The following LARP4B variants were observed in gnomAD, a reference collection of about 807,000 sequenced individuals.
LARP4B encodes La ribonucleoprotein 4B.
A neutral mutation model predicts 89.8 loss-of-function variants in LARP4B; 12 were observed. The ratio of observed to expected loss-of-function variants is 0.13; its 90% confidence interval spans 0.09 to 0.22. The LOEUF is 0.22. Ranked by LOEUF, LARP4B falls within the 10% of genes least tolerant of loss-of-function variation. The pLI, the probability that LARP4B is intolerant of heterozygous loss-of-function variation, is 1.00. For synonymous variants in LARP4B, 367 were observed against 363.3 expected (o/e 1.01, Z -0.12); for missense variants, 757 against 947.7 (o/e 0.80, Z 2.64).
chr10:969,514 G>A, the LARP4B span, among the ~76,000 whole-genome samples: 1 of 152,162 alleles, frequency 6.6e-6, no homozygotes, highest in Non-Finnish European at 1.5e-5. Context: ...TAGATTACTT[G>A]AGGCCAGGAG....
At position 814,898 on chromosome 10, in the gene LARP4B, C is replaced by T; in HGVS notation, c.1820+48G>A. On this transcript the variant is annotated intron_variant, in intron 16 of 17. Coordinates refer to ENST00000316157, the MANE Select transcript of LARP4B (RefSeq NM_015155.3). The surrounding 1 kb of genome is among the most constrained non-coding windows in gnomAD (Gnocchi z 4.4). Reference sequence around the variant, plus strand: ...TTGAATCTCATGCAACATCACAGGCCATTCAAGTCAGTCAACACCAAGGCG... The same window carrying T: ...TTGAATCTCATGCAACATCACAGGCTATTCAAGTCAGTCAACACCAAGGCG... 6.3e-7 allele frequency: 1 copy of T among 1,577,676 alleles called. No homozygotes were observed. Among genetic ancestry groups the T allele is most frequent in the Non-Finnish European group, 8.6e-7 (1 of 1,157,050 alleles).
At chr10:852,842 A>C (rs150550677) in intron 5 of LARP4B, among the ~76,000 whole-genome samples, 3,254 of 152,352 alleles carry the variant, frequency 0.021, 64 homozygotes, top group Admixed American at 0.061. Flanking sequence ...AACAACTGCA[A>C]ATACAAATTT....
intron 13 of LARP4B, 82 bp from the exon 14 acceptor site, chr10:820,927 CA>C: frequency 1.8e-6 from 2 of 1,141,898 alleles, no homozygotes; most frequent in Non-Finnish European, 2.6e-6. Context: ...CTCACATAAT[CA>C]AAGTACACAT....
At chr10:820,206 G>C (rs559371124) in intron 14 of LARP4B, 1 of 152,532 alleles carries the variant, frequency 6.6e-6, no homozygotes, top group East Asian at 1.9e-4. Context: ...CTAAAGACCA[G>C]CACAAACATT....
chr10:837,132 T>G (rs1352794567), intron 7 of LARP4B, among the ~76,000 whole-genome samples: 2 of 152,176 alleles, frequency 1.3e-5, no homozygotes, highest in Non-Finnish European at 2.9e-5. Context: ...AACAACGGAA[T>G]ATTATGAAAA....
intron 1 of LARP4B, chr10:924,310 G>A (rs1328018035): frequency 6.6e-6 from 1 of 152,172 alleles, no homozygotes; most frequent in Non-Finnish European, 1.5e-5. Flanking sequence ...AAGCTGGCTG[G>A]TCTCATTTAG....
chr10:946,378 G>GA, the LARP4B span, among the ~76,000 whole-genome samples: 5 of 152,196 alleles, frequency 3.3e-5, no homozygotes, highest in African/African-American at 1.2e-4. Context: ...CCTCTAAAGC[G>GA]AAAATACAAA....
At chr10:847,505 T>C (rs940052543) in intron 5 of LARP4B, among the ~76,000 whole-genome samples, 41 of 151,732 alleles carry the variant, frequency 2.7e-4, no homozygotes, top group African/African-American at 9.7e-4. Context: ...TAGATTCCTA[T>C]GTGACATGAA....
At chr10:916,871 AT>A (rs1448054065) in intron 1 of LARP4B, among the ~76,000 whole-genome samples, 1 of 151,850 alleles carries the variant, frequency 6.6e-6, no homozygotes, top group Non-Finnish European at 1.5e-5. Flanking sequence ...TAATTTTTCT[AT>A]TTTTTGTCGA....
chr10:890,438 G>C (rs1835980127), intron 1 of LARP4B, among the ~76,000 whole-genome samples: 1 of 152,142 alleles, frequency 6.6e-6, no homozygotes, highest in Admixed American at 6.5e-5. Flanking sequence ...TAATGTATAT[G>C]TATCTTCTTT....
chr10:920,147 C>T (rs1465025177), intron 1 of LARP4B, among the ~76,000 whole-genome samples: 1 of 152,096 alleles, frequency 6.6e-6, no homozygotes, highest in African/African-American at 2.4e-5. Flanking sequence ...GCGGAGGGTG[C>T]GCCTTAACAG....
chr10:975,576 C>A, the LARP4B span, among the ~76,000 whole-genome samples: 3 of 152,222 alleles, frequency 2.0e-5, no homozygotes, highest in Non-Finnish European at 4.4e-5. Context: ...AGCTCCACTG[C>A]GTGGCGAATC....
At position 812,909 on chromosome 10, in the gene LARP4B, T is replaced by C; in HGVS notation, c.*17A>G. ...GGTTAACACAGCGCTCTGCGACCCC[T>C]CCCAGACGTACGGTTTTCACTGAGG... On this transcript the variant is annotated 3_prime_UTR_variant, in exon 18 of 18. Coordinates refer to ENST00000316157, the MANE Select transcript of LARP4B (RefSeq NM_015155.3). The C allele has an allele frequency of 6.6e-7, 1 of 1,522,836 alleles. No individual in the cohort carries two copies. The highest frequency in any genetic ancestry group is 8.8e-7 in the Non-Finnish European group (1 of 1,141,962). The allele number at this position is 1,522,836 out of a possible 1,614,324, so 94.3% of individuals were successfully genotyped here.
intron 1 of LARP4B, among the ~76,000 whole-genome samples, chr10:890,925 A>G (rs1835999890): frequency 6.6e-6 from 1 of 152,186 alleles, no homozygotes; most frequent in South Asian, 2.1e-4. Flanking sequence ...CTAAAGACAT[A>G]TTAATAGTTT....
At chr10:857,972 A>C (rs1834395294) in intron 5 of LARP4B, among the ~76,000 whole-genome samples, 2 of 152,230 alleles carry the variant, frequency 1.3e-5, no homozygotes, top group African/African-American at 4.8e-5. Flanking sequence ...ATCACTAACC[A>C]CTAGGAAATG....
the LARP4B span, among the ~76,000 whole-genome samples, chr10:943,651 G>A: frequency 2.6e-5 from 4 of 152,158 alleles, no homozygotes; most frequent in Admixed American, 6.5e-5. Context: ...TTTTCCAAGA[G>A]GTGATTGGGT....
the LARP4B span, chr10:987,287 G>C: frequency 6.6e-6 from 1 of 152,238 alleles, no homozygotes; most frequent in Admixed American, 6.5e-5. Flanking sequence ...GTTAATAGAT[G>C]AGAAAAGCAT....
At chr10:933,450 C>T (rs968165477), upstream of LARP4B, among the ~76,000 whole-genome samples, 2 of 152,116 alleles carry the variant, frequency 1.3e-5, no homozygotes, top group Non-Finnish European at 2.9e-5. Context: ...GCTGACAATT[C>T]TGCATTTTGG....
chr10:939,888 G>A, the LARP4B span, among the ~76,000 whole-genome samples: 5 of 152,134 alleles, frequency 3.3e-5, no homozygotes, highest in Admixed American at 6.5e-5. Context: ...CTGTCGCCCA[G>A]GCTAAAGTGC....
Sources: gnomAD v4.1 joint callset for allele counts (sites outside exome capture counted in the v4.1 genomes callset) on GRCh38, gnomAD v4.1.1 for gene constraint, Gnocchi (gnomAD v3.1) non-coding constraint, MANE v1.5 for transcripts, NCBI Gene and HGNC (gene_info 2026-07-23, HGNC 2026-07-21) for gene names.